RUNDC3B: variants seen among roughly 807,000 people sequenced by gnomAD.
RUNDC3B encodes the protein RUN domain-containing protein 3B.
RUNDC3B carries 33 observed loss-of-function variants against 58.4 expected under a neutral mutation model. That is an observed-to-expected ratio of 0.56 (90% CI 0.43 to 0.75). RUNDC3B has a LOEUF of 0.75. Among genes scored for constraint, RUNDC3B ranks in the 30% least tolerant of loss-of-function variants. The probability of loss-of-function intolerance (pLI) is 0.00; values close to 1 mark genes in which losing one functional copy is unlikely to be tolerated. For missense variants in RUNDC3B, 501 were observed against 535.7 expected (o/e 0.94, Z 0.64); for synonymous variants, 193 against 195.2 (o/e 0.99, Z 0.10).
intron 1 of RUNDC3B, among the ~76,000 whole-genome samples, chr7:87,647,294 T>C (rs1317706465): frequency 6.6e-6 from 1 of 152,004 alleles, no homozygotes; most frequent in African/African-American, 2.4e-5. Flanking sequence ...ATTTCCATTC[T>C]CTTTTGTTGT....
At chr7:87,661,953 A>G (rs1276645756) in intron 2 of RUNDC3B, among the ~76,000 whole-genome samples, 1 of 152,006 alleles carries the variant, frequency 6.6e-6, no homozygotes, top group Non-Finnish European at 1.5e-5. Context: ...TTTTAACTGG[A>G]GTGAAATAAT....
chr7:87,799,952 A>C (rs571117093), intron 8 of RUNDC3B, among the ~76,000 whole-genome samples: 3 of 152,132 alleles, frequency 2.0e-5, no homozygotes, highest in Non-Finnish European at 4.4e-5. Context: ...AAATTACAAC[A>C]ATTTGCTATA....
intron 1 of RUNDC3B, among the ~76,000 whole-genome samples, chr7:87,639,462 T>C (rs1822208711): frequency 6.6e-6 from 1 of 152,204 alleles, no homozygotes; most frequent in Non-Finnish European, 1.5e-5. Context: ...GTTTTTTGTA[T>C]ACTCTTTAGT....
At chr7:87,788,278 T>C (rs1835330035) in intron 8 of RUNDC3B, among the ~76,000 whole-genome samples, 1 of 152,018 alleles carries the variant, frequency 6.6e-6, no homozygotes, top group Admixed American at 6.6e-5. Flanking sequence ...GAAAAATTAG[T>C]TGGGTGTGGT....
chr7:87,723,317 T>C (rs1831017697), intron 4 of RUNDC3B, among the ~76,000 whole-genome samples: 1 of 151,842 alleles, frequency 6.6e-6, no homozygotes, highest in Non-Finnish European at 1.5e-5. Context: ...TTAGAGAAAA[T>C]GGGTAATATT....
chr7:87,752,822 A>T lies in RUNDC3B; in HGVS notation c.629+11243A>T, dbSNP rs1343390757. On this transcript the variant is annotated intron_variant, in intron 6 of 10. Coordinates refer to ENST00000394654, the MANE Select transcript of RUNDC3B (RefSeq NM_001134405.2). ...TCAGTTTTGTTGATCCTTTCAAAAAACCAGCTCCTGGATTCATTAATTTTT... is the reference window on the plus strand; with the variant it reads ...TCAGTTTTGTTGATCCTTTCAAAAATCCAGCTCCTGGATTCATTAATTTTT... 3.7e-3 allele frequency among the ~76,000 whole-genome samples: 557 copies of T among 151,886 alleles called. 3 individuals carry two copies. Among genetic ancestry groups the T allele is most frequent in the African/African-American group, 0.013 (532 of 41,398 alleles).
At chr7:87,784,534 C>T (rs765221124) in intron 8 of RUNDC3B, among the ~76,000 whole-genome samples, 3 of 152,024 alleles carry the variant, frequency 2.0e-5, no homozygotes, top group Non-Finnish European at 4.4e-5. Flanking sequence ...CATTGGGTTT[C>T]ACAGGCATTG....
intron 4 of RUNDC3B, among the ~76,000 whole-genome samples, chr7:87,730,263 G>C (rs942749731): frequency 6.6e-6 from 1 of 152,108 alleles, no homozygotes; most frequent in Admixed American, 6.6e-5. Context: ...GTGATGTAGA[G>C]AAACAAGTAG....
chr7:87,776,507 AAAAGT>A (rs931976406), intron 7 of RUNDC3B, among the ~76,000 whole-genome samples: 1 of 152,246 alleles, frequency 6.6e-6, no homozygotes, highest in African/African-American at 2.4e-5. Flanking sequence ...AACTGGAAAG[AAAAGT>A]AAAGAGATAA....
intron 2 of RUNDC3B, among the ~76,000 whole-genome samples, chr7:87,653,548 G>A (rs1223725681): frequency 6.6e-6 from 1 of 152,032 alleles, no homozygotes; most frequent in Admixed American, 6.6e-5. Context: ...TGATCTCTGA[G>A]AACTAAATAA....
At chr7:87,666,348 C>G (rs766958777) in intron 2 of RUNDC3B, among the ~76,000 whole-genome samples, 1 of 151,874 alleles carries the variant, frequency 6.6e-6, no homozygotes, top group Non-Finnish European at 1.5e-5. Flanking sequence ...TTGTTTTTTC[C>G]TTGTAAATTT....
chr7:87,771,431 T>C (rs934357935), intron 7 of RUNDC3B, among the ~76,000 whole-genome samples: 1 of 152,266 alleles, frequency 6.6e-6, no homozygotes, highest in East Asian at 1.9e-4. Flanking sequence ...GCTATAAACA[T>C]TTGCATAATG....
chr7:87,669,130 T>C (rs1825573877), intron 2 of RUNDC3B, among the ~76,000 whole-genome samples: 1 of 152,208 alleles, frequency 6.6e-6, no homozygotes, highest in Admixed American at 6.5e-5. Flanking sequence ...TGTAGGTCTC[T>C]AAGAACTTGC....
chr7:87,652,646 A>ATATATATATATATATATATATATG (rs1563105075), intron 2 of RUNDC3B, among the ~76,000 whole-genome samples: 1 of 147,192 alleles, frequency 6.8e-6, no homozygotes, highest in African/African-American at 2.5e-5. Flanking sequence ...ATATATATAT[A>ATATATATATATATATATATATATG]GTAGGAAGTA....
chr7:87,791,856 C>T (rs1411001650), intron 8 of RUNDC3B, among the ~76,000 whole-genome samples: 3 of 151,920 alleles, frequency 2.0e-5, no homozygotes, highest in Non-Finnish European at 4.4e-5. Context: ...TAGGAGTAAT[C>T]CCCTTCTTAT....
At chr7:87,744,564 A>G (rs1215126378) in intron 6 of RUNDC3B, among the ~76,000 whole-genome samples, 1 of 151,780 alleles carries the variant, frequency 6.6e-6, no homozygotes, top group African/African-American at 2.4e-5. Context: ...ACTTACTTTT[A>G]TTTTGTTTTT....
intron 4 of RUNDC3B, among the ~76,000 whole-genome samples, chr7:87,718,247 C>T (rs1383571921): frequency 6.6e-6 from 1 of 152,110 alleles, no homozygotes; most frequent in Non-Finnish European, 1.5e-5. Flanking sequence ...GCTTAATTCC[C>T]TCAGCAACAA....
intron 2 of RUNDC3B, among the ~76,000 whole-genome samples, chr7:87,678,630 G>A (rs951578499): frequency 6.6e-6 from 1 of 152,034 alleles, no homozygotes; most frequent in Non-Finnish European, 1.5e-5. Context: ...AATGGCCTAA[G>A]CACTCCAATT....
chr7:87,718,588 A>G (rs1249903152), intron 4 of RUNDC3B, among the ~76,000 whole-genome samples: 2 of 152,156 alleles, frequency 1.3e-5, no homozygotes, highest in African/African-American at 4.8e-5. Flanking sequence ...CACCATATTC[A>G]TACATCTAAA....
Sources: allele counts gnomAD v4.1 joint callset (sites outside exome capture counted in the v4.1 genomes callset), GRCh38; gene constraint gnomAD v4.1.1; transcripts MANE v1.5; gene names NCBI Gene and HGNC (gene_info 2026-07-23, HGNC 2026-07-21).